Variants in SDK1 observed in about 807,000 individuals in gnomAD.
SDK1 encodes protein sidekick-1.
SDK1 carries 157 observed loss-of-function variants against 245.5 expected under a neutral mutation model. The ratio of observed to expected loss-of-function variants is 0.64; its 90% confidence interval spans 0.56 to 0.73. The LOEUF (loss-of-function observed/expected upper bound fraction) is 0.73. Ranked by LOEUF, SDK1 falls within the 30% of genes least tolerant of loss-of-function variation. SDK1 has a pLI of 0.00. For synonymous variants in SDK1, 1,647 were observed against 1,278.5 expected, an observed-to-expected ratio of 1.29 and a Z score of -6.15; for missense variants, 3,583 against 3,002.3, an observed-to-expected ratio of 1.19 and a Z score of -4.52.
chr7:3,904,864 G>T (rs1323442030), intron 5 of SDK1, among the ~76,000 whole-genome samples: 1 of 151,828 alleles, frequency 6.6e-6, no homozygotes, highest in Non-Finnish European at 1.5e-5. Flanking sequence ...GTGGTGGTGG[G>T]CGCCTGTAGT....
intron 28 of SDK1, among the ~76,000 whole-genome samples, chr7:4,143,243 G>A (rs1197782818): frequency 6.6e-6 from 1 of 152,180 alleles, no homozygotes; most frequent in Non-Finnish European, 1.5e-5. Flanking sequence ...GACAGGTCCG[G>A]GGAATAAGGT....
At chr7:3,842,795 G>A (rs1161774135) in intron 5 of SDK1, among the ~76,000 whole-genome samples, 1 of 152,086 alleles carries the variant, frequency 6.6e-6, no homozygotes, top group Non-Finnish European at 1.5e-5. Context: ...TGATAATGCT[G>A]AACCCAGGCT....
At chr7:3,593,813 T>A (rs777217955) in intron 1 of SDK1, among the ~76,000 whole-genome samples, 1 of 152,162 alleles carries the variant, frequency 6.6e-6, no homozygotes, top group Non-Finnish European at 1.5e-5. Flanking sequence ...GGGTTCTGGC[T>A]TTGCCACTTC....
intron 1 of SDK1, among the ~76,000 whole-genome samples, chr7:3,394,618 C>G (rs917896338): frequency 6.6e-6 from 1 of 151,832 alleles, no homozygotes; most frequent in African/African-American, 2.4e-5. Flanking sequence ...GGGAGAATTG[C>G]CATTTTAACA....
Position 3,447,889 on chromosome 7 carries a change from A to G in SDK1, c.298+146005A>G, listed in dbSNP as rs146236634. 2.3e-3 allele frequency among the ~76,000 whole-genome samples: 345 copies of G among 151,942 alleles called. 1 individual carries two copies. The highest frequency in any genetic ancestry group is 7.9e-3 in the African/African-American group (326 of 41,428). The stretch of plus-strand genomic sequence containing the variant: ...CTGGCTAATTTCGTATTTTTAGTAG[A>G]GACAGGGTTTCTCCATGTTAGTCAG... On this transcript the variant is annotated intron_variant, in intron 1 of 44. Transcript: ENST00000404826.
At chr7:4,107,308 G>A (rs1782998558) in intron 22 of SDK1, among the ~76,000 whole-genome samples, 1 of 152,110 alleles carries the variant, frequency 6.6e-6, no homozygotes, top group South Asian at 2.1e-4. Flanking sequence ...ACCAGGCAAG[G>A]ACCCGGAAGG....
At chr7:3,774,331 T>G (rs1378814477) in intron 4 of SDK1, among the ~76,000 whole-genome samples, 2 of 152,146 alleles carry the variant, frequency 1.3e-5, no homozygotes, top group African/African-American at 2.4e-5. Flanking sequence ...CACTGGCCTC[T>G]TTGTCTGCAC....
chr7:4,146,823 A>G (rs149019342), intron 29 of SDK1, among the ~76,000 whole-genome samples: 191 of 152,358 alleles, frequency 1.3e-3, no homozygotes, highest in Non-Finnish European at 2.3e-3. Context: ...ACGGAGCAGC[A>G]TGGCATTAGC....
chr7:4,246,040 G>C (rs936421675), intron 44 of SDK1, among the ~76,000 whole-genome samples: 2 of 152,196 alleles, frequency 1.3e-5, no homozygotes, highest in African/African-American at 4.8e-5. Flanking sequence ...TTCCAAGGCT[G>C]ATTCATGGAG....
intron 4 of SDK1, among the ~76,000 whole-genome samples, chr7:3,663,437 G>A (rs892715742): frequency 6.6e-6 from 1 of 152,124 alleles, no homozygotes; most frequent in Admixed American, 6.6e-5. Context: ...GTATCTTCTC[G>A]ACTTGGGGCT....
chr7:4,007,326 A>G (rs750933560), intron 14 of SDK1, among the ~76,000 whole-genome samples: 9 of 152,130 alleles, frequency 5.9e-5, no homozygotes, highest in African/African-American at 9.7e-5. Context: ...AGGAGAGATT[A>G]TGTAGGGTGG....
chr7:3,658,408 A>G (rs978078387), intron 4 of SDK1, among the ~76,000 whole-genome samples: 1 of 151,878 alleles, frequency 6.6e-6, no homozygotes, highest in Non-Finnish European at 1.5e-5. Context: ...GATCAATACA[A>G]TGAGTCTGGC....
rs569390084 is a variant in SDK1, at chr7:3,560,801, G to T, written c.299-58279G>T. On this transcript the variant is annotated intron_variant, in intron 1 of 44. Transcript: ENST00000404826. ...CAGCTCTGCTCTTCCAGCCTCTCTGGCCTCTTTCCTGTTCCTCCAACCTGC... is the reference window on the plus strand; with the variant it reads ...CAGCTCTGCTCTTCCAGCCTCTCTGTCCTCTTTCCTGTTCCTCCAACCTGC... Among the ~76,000 whole-genome samples, 11 of 152,214 alleles carry T rather than the reference G, an allele frequency of 7.2e-5. No homozygotes were observed. The South Asian group carries it at 2.3e-3, about 32-fold the overall frequency.
Position 4,208,329 on chromosome 7 carries a change from C to T in SDK1, c.5401+44C>T, listed in dbSNP as rs747785727. 1.5e-5 allele frequency: 24 copies of T among 1,575,170 alleles called. 1 individual carries two copies. Among genetic ancestry groups the T allele is most frequent in the East Asian group, 9.0e-5 (4 of 44,570 alleles). On this transcript the variant is annotated intron_variant, in intron 37 of 44. Transcript: ENST00000404826. ...TCCTTTGGGCAGGCCTCCTTGGACA[C>T]GTGTTTTGAGAGCGCCAGCTCAGGT...
chr7:3,417,778 A>G (rs1048170161), intron 1 of SDK1, among the ~76,000 whole-genome samples: 1 of 152,186 alleles, frequency 6.6e-6, no homozygotes, highest in Non-Finnish European at 1.5e-5. Context: ...TGAATAAAAT[A>G]GCAGTGTCCA....
At chr7:4,137,865 C>G (rs546611268) in intron 28 of SDK1, among the ~76,000 whole-genome samples, 12 of 152,348 alleles carry the variant, frequency 7.9e-5, no homozygotes, top group African/African-American at 2.6e-4. Context: ...TGAACACCAT[C>G]TATCATTATT....
intron 1 of SDK1, among the ~76,000 whole-genome samples, chr7:3,406,854 G>A (rs1348602290): frequency 6.6e-6 from 1 of 152,134 alleles, no homozygotes; most frequent in Non-Finnish European, 1.5e-5. Context: ...GAATCGAGGA[G>A]TTTCTATTTT....
intron 35 of SDK1, among the ~76,000 whole-genome samples, chr7:4,205,302 A>G (rs1233204608): frequency 6.6e-6 from 1 of 152,188 alleles, no homozygotes; most frequent in East Asian, 1.9e-4. Context: ...TGTCATGGGA[A>G]CACAGCTATC....
At chr7:3,481,588 A>AC (rs759355359) in intron 1 of SDK1, among the ~76,000 whole-genome samples, 7 of 152,082 alleles carry the variant, frequency 4.6e-5, no homozygotes, top group Non-Finnish European at 7.4e-5. Flanking sequence ...TGACCCTTGA[A>AC]CCACCCTTCC....
Sources: gnomAD v4.1 joint callset for allele counts (sites outside exome capture counted in the v4.1 genomes callset) on GRCh38, gnomAD v4.1.1 for gene constraint, MANE v1.5 for transcripts, NCBI Gene and HGNC (gene_info 2026-07-23, HGNC 2026-07-21) for gene names.